The following ANKRD55 variants were observed in gnomAD, a reference collection of about 807,000 sequenced individuals.
ANKRD55 encodes the protein ankyrin repeat domain 55, also known as ankyrin repeat domain-containing protein 55.
ANKRD55 carries 41 observed loss-of-function variants against 60.6 expected under a neutral mutation model. The ratio of observed to expected loss-of-function variants is 0.68; its 90% confidence interval spans 0.53 to 0.88. The LOEUF is 0.88. Ranked by LOEUF, ANKRD55 falls within the 40% of genes least tolerant of loss-of-function variation. The pLI is 0.00. For missense variants in ANKRD55, 732 were observed against 767.6 expected (o/e 0.95, Z 0.55); for synonymous variants, 264 against 290.3 (o/e 0.91, Z 0.92).
chr5:56,162,830 C>T (rs948341939), intron 5 of ANKRD55, among the ~76,000 whole-genome samples: 2 of 152,188 alleles, frequency 1.3e-5, no homozygotes, highest in African/African-American at 2.4e-5. Flanking sequence ...TGCACCATCA[C>T]GCCCAACTAA....
At chr5:56,150,645 C>A (rs999296625) in intron 6 of ANKRD55, among the ~76,000 whole-genome samples, 4 of 152,056 alleles carry the variant, frequency 2.6e-5, no homozygotes, top group Non-Finnish European at 5.9e-5. Context: ...CACCTGTAAT[C>A]CCAGCCCTTT....
At chr5:56,163,825 C>T (rs573899547) in intron 5 of ANKRD55, among the ~76,000 whole-genome samples, 47 of 152,308 alleles carry the variant, frequency 3.1e-4, no homozygotes, top group Non-Finnish European at 6.2e-4. Context: ...CGCTGGCTCA[C>T]GCCTGCCTGT....
chr5:56,112,153 G>T (rs1456371483), intron 9 of ANKRD55, among the ~76,000 whole-genome samples: 2 of 152,100 alleles, frequency 1.3e-5, no homozygotes, highest in Non-Finnish European at 2.9e-5. Context: ...CAGTAGGCAC[G>T]CAAGTTGAAG....
chr5:56,159,518 C>A (rs569622532), intron 6 of ANKRD55, among the ~76,000 whole-genome samples: 1 of 151,686 alleles, frequency 6.6e-6, no homozygotes, highest in Non-Finnish European at 1.5e-5. Flanking sequence ...GTTTCTGGGA[C>A]TTGAGAAGAC....
chr5:56,210,494 G>A (rs553036936), intron 2 of ANKRD55, among the ~76,000 whole-genome samples: 4 of 150,110 alleles, frequency 2.7e-5, no homozygotes, highest in African/African-American at 9.9e-5. Flanking sequence ...CCCGGGAGGC[G>A]GAGCTTGCAG....
intron 7 of ANKRD55, among the ~76,000 whole-genome samples, chr5:56,135,414 G>A (rs572595111): frequency 3.9e-4 from 58 of 148,108 alleles, no homozygotes; most frequent in African/African-American, 1.4e-3. Flanking sequence ...CTGTTGCTCA[G>A]GCTGGAGTGC....
intron 4 of ANKRD55, among the ~76,000 whole-genome samples, chr5:56,173,279 C>A (rs1336955977): frequency 6.6e-6 from 1 of 152,110 alleles, no homozygotes; most frequent in African/African-American, 2.4e-5. Flanking sequence ...CTCACTGCAG[C>A]CTCCACCTCC....
At chr5:56,110,884 T>C (rs1756669593) in intron 10 of ANKRD55, 3 of 553,788 alleles carry the variant, frequency 5.4e-6, no homozygotes, top group Non-Finnish European at 9.6e-6. Context: ...GCTGGGGAGA[T>C]GAGAAGGCAC....
intron 2 of ANKRD55, among the ~76,000 whole-genome samples, chr5:56,228,571 G>A (rs1157870500): frequency 2.6e-5 from 4 of 151,942 alleles, no homozygotes; most frequent in African/African-American, 7.3e-5. Context: ...GACTACAGGC[G>A]CATGACACCA....
At chr5:56,164,712 C>T (rs893464631) in intron 5 of ANKRD55, among the ~76,000 whole-genome samples, 1 of 152,114 alleles carries the variant, frequency 6.6e-6, no homozygotes, top group African/African-American at 2.4e-5. Context: ...ACACCAGCGC[C>T]CTCTGAATGT....
chr5:56,136,299 A>G (rs899867594), intron 7 of ANKRD55, among the ~76,000 whole-genome samples: 6 of 152,220 alleles, frequency 3.9e-5, no homozygotes, highest in African/African-American at 9.6e-5. Flanking sequence ...GACACAGAAT[A>G]GTCAACAAGA....
chr5:56,177,227 GTTGC>G (rs1758756124), intron 3 of ANKRD55, among the ~76,000 whole-genome samples: 2 of 152,110 alleles, frequency 1.3e-5, no homozygotes, highest in Non-Finnish European at 2.9e-5. Flanking sequence ...CAGAAATTGA[GTTGC>G]AGTCGGCAAC....
intron 8 of ANKRD55, among the ~76,000 whole-genome samples, chr5:56,120,078 C>A (rs536707588): frequency 6.7e-6 from 1 of 150,328 alleles, no homozygotes; most frequent in East Asian, 1.9e-4. Context: ...TGCTCTGTTG[C>A]CAGGCTGGAG....
chr5:56,116,631 G>A lies in ANKRD55; in HGVS notation c.949C>T (p.Leu317Phe), dbSNP rs142741313. The part of the protein sequence containing the change: ...YCGHTACVKL[L>F]SQESRTEPTR... ...TGTACTCACCTGCTCTCTTGGGAGA[G>A]GAGTTTGACACACGCCGTGTGACCG... Residue 317 changes from leucine to phenylalanine, a missense_variant, in exon 9 of 12, where the codon CTC (leucine) becomes TTC (phenylalanine). Leu to Phe is a conservative substitution (Grantham distance 22). Coordinates refer to ENST00000341048, the MANE Select transcript of ANKRD55 (RefSeq NM_024669.3). The A allele has an allele frequency of 8.7e-5, 139 of 1,595,320 alleles. 1 individual carries two copies. The highest frequency in any genetic ancestry group is 1.1e-4 in the Non-Finnish European group (125 of 1,171,910).
intron 2 of ANKRD55, among the ~76,000 whole-genome samples, chr5:56,226,641 G>T (rs1300279637): frequency 6.6e-6 from 1 of 152,108 alleles, no homozygotes; most frequent in Non-Finnish European, 1.5e-5. Context: ...AAATTTACAA[G>T]AAAAAATCAA....
intron 6 of ANKRD55, among the ~76,000 whole-genome samples, chr5:56,158,450 A>C (rs1232211327): frequency 6.6e-6 from 1 of 152,248 alleles, no homozygotes; most frequent in Non-Finnish European, 1.5e-5. Flanking sequence ...AAGGAAAATT[A>C]GTACTGCATT....
intron 9 of ANKRD55, among the ~76,000 whole-genome samples, chr5:56,112,369 A>T (rs1352643456): frequency 6.6e-6 from 1 of 152,010 alleles, no homozygotes; most frequent in Non-Finnish European, 1.5e-5. Context: ...AGTACTTTTA[A>T]AAAAAGTATG....
intron 2 of ANKRD55, among the ~76,000 whole-genome samples, chr5:56,204,528 G>T (rs1759456294): frequency 6.6e-6 from 1 of 151,946 alleles, no homozygotes; most frequent in Non-Finnish European, 1.5e-5. Context: ...GTTTTATAAG[G>T]GGATTTTCCC....
At chr5:56,106,494 G>C (rs1756481969) in intron 10 of ANKRD55, among the ~76,000 whole-genome samples, 1 of 147,868 alleles carries the variant, frequency 6.8e-6, no homozygotes, top group Admixed American at 6.8e-5. Context: ...TGCGATCTCG[G>C]CTCACTGCAA....
Sources: allele counts gnomAD v4.1 joint callset (sites outside exome capture counted in the v4.1 genomes callset), GRCh38; gene constraint gnomAD v4.1.1; transcripts MANE v1.5; gene names NCBI Gene and HGNC (gene_info 2026-07-23, HGNC 2026-07-21).